Variants in ACSM4 observed in about 807,000 individuals in gnomAD.
ACSM4 encodes acyl-CoA synthetase medium chain family member 4, also known as acyl-coenzyme A synthetase ACSM4, mitochondrial.
In ACSM4, 66 loss-of-function variants were observed where a neutral mutation model predicts 73.0. The observed-to-expected ratio is 0.90, with a 90% CI of 0.74 to 1.11. The LOEUF is 1.11. Among genes scored for constraint, ACSM4 ranks in the 50% least tolerant of loss-of-function variants. ACSM4 has a pLI of 0.00. For synonymous variants in ACSM4, 222 were observed against 254.0 expected (o/e 0.87, Z 1.20); for missense variants, 645 against 714.4 (o/e 0.90, Z 1.11).
At position 7,314,629 on chromosome 12, in the gene ACSM4, CAGAT is replaced by C. The variant is rs1190894670; in HGVS notation, c.621-2499_621-2496del. Among the ~76,000 whole-genome samples the C allele has an allele frequency of 4.1e-5, 6 of 147,670 alleles. No homozygotes were observed. The East Asian group carries it at 1.3e-3, about 31-fold the overall frequency. On this transcript the variant is annotated intron_variant, in intron 3 of 12. Coordinates refer to ENST00000399422, the MANE Select transcript of ACSM4 (RefSeq NM_001080454.2). ...GATGATAGATAGATAGATAGATAGA[CAGAT>C]AGATAGATGATAGATAGAGAGATAG... is the stretch of plus-strand genomic sequence containing the variant.
chr12:7,316,380 T>C (rs1321784494), intron 3 of ACSM4, among the ~76,000 whole-genome samples: 2 of 152,168 alleles, frequency 1.3e-5, no homozygotes, highest in Non-Finnish European at 2.9e-5. Context: ...TAAAACAGGA[T>C]GGGCAGGGGA....
Position 7,310,674 on chromosome 12 carries a change from C to T in ACSM4, c.548C>T (p.Pro183Leu), listed in dbSNP as rs1213754321. 2 of 1,613,390 alleles carry T rather than the reference C, an allele frequency of 1.2e-6. No individual in the cohort carries two copies. Among genetic ancestry groups the T allele is most frequent in the African/African-American group, 1.3e-5 (1 of 74,888 alleles). ...GTGGAGTCCATTGTATTGGAGTGTC[C>T]TGACCTTAAGACAAAACTCCTGGTG... ...PAVESIVLEC[P>L]DLKTKLLVSP... Residue 183 changes from proline (P) to leucine (L), a missense_variant, in exon 3 of 13, where the codon CCT (proline) becomes CTT (leucine). Physicochemically the swap from Pro to Leu is moderately conservative, Grantham distance 98. Coordinates refer to ENST00000399422, the MANE Select transcript of ACSM4 (RefSeq NM_001080454.2).
Position 7,304,284 on chromosome 12 carries a change from C to A in ACSM4, c.-48C>A. Reference sequence around the variant, plus strand: ...CTCTCTATCCATCTCTCCCTACAGGCTGTAGTACTTCTGTGTCCATAGCAG... The same window carrying A: ...CTCTCTATCCATCTCTCCCTACAGGATGTAGTACTTCTGTGTCCATAGCAG... On this transcript the variant is annotated 5_prime_UTR_variant, in exon 1 of 13. It adds an upstream start codon to the 5' untranslated region. Coordinates refer to ENST00000399422, the MANE Select transcript of ACSM4 (RefSeq NM_001080454.2). 6.4e-7 allele frequency: 1 copy of A among 1,561,426 alleles called. No homozygotes were observed. The highest frequency in any genetic ancestry group is 8.8e-7 in the Non-Finnish European group (1 of 1,133,046).
At position 7,310,739 on chromosome 12, in the gene ACSM4, T is replaced by A. The variant is rs775990944; in HGVS notation, c.613T>A (p.Leu205Ile). Residue 205 changes from leucine to isoleucine, a missense_variant, in exon 3 of 13, where the codon TTA becomes ATA. Physicochemically the swap from Leu to Ile is conservative, Grantham distance 5 (BLOSUM62 2). Transcript: ENST00000399422. ...GAATGGGTGGCTCAGCTTCCAGGAG[T>A]TATTTCAGTGAGTATTTTTCCCAGC... ...SWNGWLSFQE[L>I]FQFASEEHSC... 11 of 1,612,124 alleles carry A rather than the reference T, an allele frequency of 6.8e-6. No individual in the cohort carries two copies. Among genetic ancestry groups the A allele is most frequent in the Non-Finnish European group, 9.3e-6 (11 of 1,179,252 alleles).
intron 7 of ACSM4, among the ~76,000 whole-genome samples, chr12:7,322,762 G>A (rs1017175860): frequency 6.6e-6 from 1 of 152,206 alleles, no homozygotes; most frequent in African/African-American, 2.4e-5. Flanking sequence ...CCCTTATGCA[G>A]GATAAATCTC....
chr12:7,324,122 C>G, intron 9 of ACSM4, 151 bp from the exon 10 acceptor site: 1 of 913,178 alleles, frequency 1.1e-6, no homozygotes, highest in Non-Finnish European at 1.6e-6. Flanking sequence ...AGGCTGCAGG[C>G]TCCAGTCTAG....
chr12:7,327,205 G>T lies in ACSM4; in HGVS notation c.1656+110G>T, dbSNP rs1946514197. 4 of 1,289,692 alleles carry T rather than the reference G, an allele frequency of 3.1e-6. No individual in the cohort carries two copies. In the South Asian group the frequency reaches 4.8e-5, roughly 15 times the overall value. 79.9% of individuals were successfully genotyped at this position (1,289,692 alleles called of 1,614,324 possible). ...ATAGTAGCTCATTATATAGGTAGAA[G>T]ACACTTTTCAATTTGTTTAACCCTA... On this transcript the variant is annotated intron_variant, in intron 12 of 12. Transcript: ENST00000399422.
At chr12:7,319,113 T>A (rs758296664) in intron 5 of ACSM4, among the ~76,000 whole-genome samples, 46 of 152,352 alleles carry the variant, frequency 3.0e-4, no homozygotes, top group South Asian at 8.3e-4. Flanking sequence ...ATTGTTTTCC[T>A]GCAACTAGAC....
intron 2 of ACSM4, among the ~76,000 whole-genome samples, chr12:7,306,987 G>T (rs1946366190): frequency 6.6e-6 from 1 of 152,190 alleles, no homozygotes; most frequent in African/African-American, 2.4e-5. Flanking sequence ...GGGCGTGGTG[G>T]CTCACGCCTG....
chr12:7,327,020 C>T lies in ACSM4; in HGVS notation c.1581C>T (p.Tyr527=). The change falls in exon 12 of 13, where the codon TAC becomes TAT. Residue 527 remains tyrosine (Y), a synonymous_variant. Coordinates refer to ENST00000399422, the MANE Select transcript of ACSM4 (RefSeq NM_001080454.2). Reference sequence around the variant, plus strand: ...TCTTAGCTGCACCCTTTAAGTCCTACAACCCAGAGAAATTAACTCTTGAAC... The same window carrying T: ...TCTTAGCTGCACCCTTTAAGTCCTATAACCCAGAGAAATTAACTCTTGAAC... The part of the protein sequence containing the change: ...FVVLAAPFKS[Y]NPEKLTLELQ... 6.2e-7 allele frequency: 1 copy of T among 1,612,764 alleles called. No homozygotes were observed. The highest frequency in any genetic ancestry group is 1.1e-5 in the South Asian group (1 of 90,634).
At chr12:7,316,458 T>A (rs1472224744) in intron 3 of ACSM4, among the ~76,000 whole-genome samples, 1 of 152,204 alleles carries the variant, frequency 6.6e-6, no homozygotes, top group Admixed American at 6.5e-5. Context: ...AAGCCTTACA[T>A]CTCGTTGTCC....
intron 3 of ACSM4, among the ~76,000 whole-genome samples, chr12:7,311,456 A>G (rs1271471303): frequency 6.6e-6 from 1 of 151,970 alleles, no homozygotes; most frequent in Non-Finnish European, 1.5e-5. Context: ...TTCTTGTCAT[A>G]TTTTGACTCA....
At position 7,304,536 on chromosome 12, in the gene ACSM4, TATGACG is replaced by T. The variant is rs1226660352; in HGVS notation, c.201+8_201+13del. ...CCAGTGGTCCCAAAAGGAGAAGGTA[TATGACG>T]ATGGGCTTCCAGTAGATGCTTGGTG... is the stretch of plus-strand genomic sequence containing the variant. On this transcript the variant is annotated splice_donor_5th_base_variant and intron_variant, in intron 1 of 12. Coordinates refer to ENST00000399422, the MANE Select transcript of ACSM4 (RefSeq NM_001080454.2). The T allele has an allele frequency of 1.9e-6, 3 of 1,612,610 alleles. No homozygotes were observed. In the African/African-American group the frequency reaches 4.0e-5, roughly 21 times the overall value.
intron 5 of ACSM4, 74 bp from the exon 6 acceptor site, chr12:7,320,651 G>A: frequency 8.1e-7 from 1 of 1,239,076 alleles, no homozygotes; most frequent in East Asian, 2.4e-5. Flanking sequence ...GAAAATAACA[G>A]GGTGTAGATA....
intron 5 of ACSM4, among the ~76,000 whole-genome samples, chr12:7,319,340 C>T (rs1946443096): frequency 6.6e-6 from 1 of 152,040 alleles, no homozygotes; most frequent in Non-Finnish European, 1.5e-5. Context: ...AGGCATAATC[C>T]CAGCACTTTG....
chr12:7,327,003 G>A lies in ACSM4; in HGVS notation c.1564G>A (p.Ala522Thr). ...GGTGAAAGCTTTTGTTGTCTTAGCT[G>A]CACCCTTTAAGTCCTACAACCCAGA... is the stretch of plus-strand genomic sequence containing the variant. ...EVVKAFVVLA[A>T]PFKSYNPEKL... Residue 522 changes from alanine to threonine, a missense_variant, in exon 12 of 13, where the codon GCA becomes ACA. By Grantham distance (58) the Ala-to-Thr change is moderately conservative (BLOSUM62 0). Transcript: ENST00000399422. 6.2e-7 allele frequency: 1 copy of A among 1,611,758 alleles called. No individual in the cohort carries two copies. The highest frequency in any genetic ancestry group is 1.1e-5 in the South Asian group (1 of 90,342).
At chr12:7,310,332 A>AC (rs1163899203) in intron 2 of ACSM4, among the ~76,000 whole-genome samples, 1 of 152,180 alleles carries the variant, frequency 6.6e-6, no homozygotes, top group African/African-American at 2.4e-5. Flanking sequence ...GCAGGATTAG[A>AC]CCCATGGTCT....
intron 5 of ACSM4, among the ~76,000 whole-genome samples, chr12:7,320,008 A>G (rs779326709): frequency 1.3e-5 from 2 of 152,356 alleles, no homozygotes; most frequent in South Asian, 4.1e-4. Flanking sequence ...TTACCGATCA[A>G]ACATCATACT....
intron 12 of ACSM4, 63 bp downstream of exon 12, chr12:7,327,158 G>C: frequency 6.8e-7 from 1 of 1,464,978 alleles, no homozygotes; most frequent in Admixed American, 2.6e-5. Context: ...GCTAGAATTA[G>C]ATTTTACTGG....
Sources: gnomAD v4.1 joint callset for allele counts (sites outside exome capture counted in the v4.1 genomes callset) on GRCh38, gnomAD v4.1.1 for gene constraint, MANE v1.5 for transcripts, NCBI Gene and HGNC (gene_info 2026-07-23, HGNC 2026-07-21) for gene names.